The following SYNE2 variants were observed in gnomAD, a reference collection of about 807,000 sequenced individuals.
SYNE2 encodes the protein nesprin-2.
A neutral mutation model predicts 856.3 loss-of-function variants in SYNE2; 431 were observed. The ratio of observed to expected loss-of-function variants is 0.50; its 90% CI spans 0.47 to 0.55. The LOEUF is 0.55. SYNE2 is among the 20% of genes least tolerant of loss of function. SYNE2 has a pLI of 0.00. For synonymous variants in SYNE2, 2,923 were observed against 2,872.3 expected, an observed-to-expected ratio of 1.02 and a Z score of -0.56; for missense variants, 8,129 against 8,023.2, an observed-to-expected ratio of 1.01 and a Z score of -0.50.
chr14:63,970,347 C>T (rs1226602287), intron 11 of SYNE2, among the ~76,000 whole-genome samples: 1 of 152,094 alleles, frequency 6.6e-6, no homozygotes, highest in Non-Finnish European at 1.5e-5. Context: ...TGCCATCACA[C>T]CTTTCAAAGT....
intron 65 of SYNE2, among the ~76,000 whole-genome samples, chr14:64,109,252 T>C (rs181076044): frequency 6.0e-5 from 9 of 151,038 alleles, no homozygotes; most frequent in African/African-American, 2.2e-4. Context: ...TCCCTGGCCA[T>C]GTGGATACTA....
In SYNE2 at chr14:64,043,860, C is replaced by T. The variant is rs188787490; in HGVS notation, c.7222-4140C>T. ...GGATCAGAGCCCCCACACAGAGTGCCTACTGGGGCACCACCTAGTGGAGTG... is the reference window on the plus strand; with the variant it reads ...GGATCAGAGCCCCCACACAGAGTGCTTACTGGGGCACCACCTAGTGGAGTG... On this transcript the variant is annotated intron_variant, in intron 45 of 115. Transcript: ENST00000555002. 1.3e-3 allele frequency among the ~76,000 whole-genome samples: 204 copies of T among 152,362 alleles called. 2 individuals are homozygous for T. The highest frequency in any genetic ancestry group is 4.4e-3 in the African/African-American group (183 of 41,596).
At chr14:63,919,975 T>G (rs1037546709) in intron 2 of SYNE2, among the ~76,000 whole-genome samples, 6 of 149,032 alleles carry the variant, frequency 4.0e-5, no homozygotes, top group African/African-American at 1.5e-4. Context: ...AAGGTAAGTT[T>G]TTTTTTTTTT....
intron 1 of SYNE2, among the ~76,000 whole-genome samples, chr14:63,892,346 A>AT (rs1487328758): frequency 6.6e-6 from 1 of 151,886 alleles, no homozygotes; most frequent in African/African-American, 2.4e-5. Flanking sequence ...AACTTTGTAA[A>AT]TTTCACAGTT....
rs796189964 is a variant in SYNE2, at chr14:63,917,179, GTTAATGA to G, written c.79+7960_79+7966del. Among the ~76,000 whole-genome samples the G allele has an allele frequency of 5.3e-5, 8 of 152,178 alleles. No individual in the cohort carries two copies. In the South Asian group the frequency reaches 1.7e-3, roughly 32 times the overall value. On this transcript the variant is annotated intron_variant, in intron 2 of 115. Coordinates refer to ENST00000555002, the MANE Select transcript of SYNE2 (RefSeq NM_182914.3). ...AAAGTCCCCAGTGTGGGATTTTGAG[GTTAATGA>G]TTAATGAAGAGTAAGAAAAGACATG...
intron 1 of SYNE2, among the ~76,000 whole-genome samples, chr14:63,815,023 T>C (rs1263649046): frequency 6.9e-6 from 1 of 145,210 alleles, no homozygotes; most frequent in Non-Finnish European, 1.5e-5. Context: ...TACATCCATA[T>C]ATATCCATAT....
At chr14:64,070,530 G>T in intron 51 of SYNE2, 115 bp from the exon 52 acceptor site, 1 of 827,316 alleles carries the variant, frequency 1.2e-6, no homozygotes, top group East Asian at 2.6e-5. Context: ...AACAGACTAG[G>T]ATATGGCACT....
chr14:63,957,868 A>T (rs1205569180), intron 8 of SYNE2, among the ~76,000 whole-genome samples: 1 of 152,048 alleles, frequency 6.6e-6, no homozygotes. Flanking sequence ...TGCATAGCTC[A>T]GACTTGGGAG....
Position 64,218,462 on chromosome 14 carries a change from A to G in SYNE2, c.19607A>G (p.Asn6536Ser), listed in dbSNP as rs2098677218. The change falls in exon 109 of 116, where the codon AAC becomes AGC. Residue 6536 changes from asparagine to serine, a missense_variant. By Grantham distance (46) the Asn-to-Ser change is conservative. Transcript: ENST00000555002. ...GKEGPRVLNG[N>S]PQQEDGGLAG... ...GAAGGCCCGCGAGTCCTGAATGGCA[A>G]CCCACAGCAGGAAGACGGGGGACTG... 1.2e-6 allele frequency: 2 copies of G among 1,614,120 alleles called. No individual in the cohort carries two copies. Among genetic ancestry groups the G allele is most frequent in the African/African-American group, 1.3e-5 (1 of 75,040 alleles).
chr14:64,196,335 G>A (rs985641804), intron 99 of SYNE2, among the ~76,000 whole-genome samples: 5 of 152,310 alleles, frequency 3.3e-5, no homozygotes, highest in East Asian at 1.9e-4. Context: ...AGGATTGTCC[G>A]AAGAAACTGA....
At chr14:64,115,448 T>A (rs1046230614) in intron 66 of SYNE2, among the ~76,000 whole-genome samples, 1 of 152,056 alleles carries the variant, frequency 6.6e-6, no homozygotes, top group African/African-American at 2.4e-5. Flanking sequence ...TAGCGATGTC[T>A]CAGCACAGTG....
At chr14:64,037,029 G>T (rs1160682277) in intron 45 of SYNE2, among the ~76,000 whole-genome samples, 1 of 152,144 alleles carries the variant, frequency 6.6e-6, no homozygotes, top group East Asian at 1.9e-4. Context: ...GTCAGAGAGA[G>T]CTCCCAGGAA....
At chr14:64,039,492 T>C (rs1249858569) in intron 45 of SYNE2, among the ~76,000 whole-genome samples, 1 of 152,214 alleles carries the variant, frequency 6.6e-6, no homozygotes, top group African/African-American at 2.4e-5. Flanking sequence ...GAGTTCATGA[T>C]ATTCTTCTCA....
chr14:64,209,056 G>A (rs1230095275), intron 101 of SYNE2, 111 bp downstream of exon 101: 18 of 1,359,540 alleles, frequency 1.3e-5, no homozygotes, highest in Non-Finnish European at 1.6e-5. Flanking sequence ...AAATGCGCCA[G>A]GTATTGGCAG....
chr14:63,855,472 A>G (rs144496865), intron 1 of SYNE2, among the ~76,000 whole-genome samples: 24 of 152,208 alleles, frequency 1.6e-4, no homozygotes, highest in Admixed American at 2.6e-4. Context: ...TCGAGTGTCT[A>G]CAGCCAAACC....
At position 63,990,444 on chromosome 14, in the gene SYNE2, C is replaced by T. The variant is rs766796829; in HGVS notation, c.2347C>T (p.Leu783Phe). ...LIAKGSMFDE[L>F]MARSEDMLQM... ...TGCCAAAGGCTCTATGTTTGATGAG[C>T]TTATGGCAAGAAGTGAAGATATGTT... The change falls in exon 20 of 116, where the codon CTT (leucine) becomes TTT (phenylalanine). Residue 783 changes from leucine (L) to phenylalanine (F), a missense_variant. Physicochemically the swap from Leu to Phe is conservative, Grantham distance 22 (BLOSUM62 0). Around this residue, in one of 3 missense-constraint regions of SYNE2, gnomAD observed 2,422 missense variants for 2,357.4 expected, o/e 1.03. Coordinates refer to ENST00000555002, the MANE Select transcript of SYNE2 (RefSeq NM_182914.3). 2.3e-5 allele frequency: 37 copies of T among 1,613,200 alleles called. No individual in the cohort carries two copies. Among genetic ancestry groups the T allele is most frequent in the Middle Eastern group, 1.8e-4 (1 of 5,628 alleles).
chr14:63,878,837 G>A (rs552030038), intron 1 of SYNE2, among the ~76,000 whole-genome samples: 5 of 152,148 alleles, frequency 3.3e-5, no homozygotes, highest in African/African-American at 1.2e-4. Context: ...GAGCCACTGC[G>A]CTCGGCTTGA....
At chr14:64,090,538 G>A (rs2097602279) in intron 59 of SYNE2, among the ~76,000 whole-genome samples, 1 of 152,194 alleles carries the variant, frequency 6.6e-6, no homozygotes, top group Non-Finnish European at 1.5e-5. Context: ...GTGAGAGGCA[G>A]TACCTGCCCT....
intron 104 of SYNE2, 115 bp from the exon 105 acceptor site, chr14:64,212,696 A>G: frequency 1.0e-6 from 1 of 980,866 alleles, no homozygotes; most frequent in South Asian, 1.4e-5. Flanking sequence ...TAGTAGGTGA[A>G]GGAAAACAAC....
Sources: gnomAD v4.1 joint callset for allele counts (sites outside exome capture counted in the v4.1 genomes callset) on GRCh38, gnomAD v4.1.1 for gene constraint, gnomAD v4.1.1 regional missense constraint, MANE v1.5 for transcripts, NCBI Gene and HGNC (gene_info 2026-07-23, HGNC 2026-07-21) for gene names.